Variants in GRM1 observed in about 807,000 individuals in gnomAD.
GRM1 encodes the protein metabotropic glutamate receptor 1.
A neutral mutation model predicts 90.9 loss-of-function variants in GRM1; 33 were observed. That is an observed-to-expected ratio of 0.36 (90% confidence interval 0.28 to 0.49). The LOEUF (loss-of-function observed/expected upper bound fraction) is 0.49, where lower values mean the gene tolerates loss of function less well. GRM1 is among the 20% of genes least tolerant of loss of function. GRM1 has a pLI of 0.99. For missense variants in GRM1, 1,190 were observed against 1,534.3 expected (o/e 0.78, Z 3.75); for synonymous variants, 700 against 613.2 (o/e 1.14, Z -2.09).
At chr6:146,348,400 C>T (rs1429705674) in intron 3 of GRM1, among the ~76,000 whole-genome samples, 1 of 152,210 alleles carries the variant, frequency 6.6e-6, no homozygotes, top group African/African-American at 2.4e-5. Context: ...AACTTTATGT[C>T]ACATGTTCCT....
At chr6:146,052,693 G>C (rs1582932282) in intron 1 of GRM1, among the ~76,000 whole-genome samples, 1 of 151,888 alleles carries the variant, frequency 6.6e-6, no homozygotes, top group Admixed American at 6.6e-5. Context: ...TTTGTGGCTG[G>C]CTGCTTCTTT....
intron 3 of GRM1, among the ~76,000 whole-genome samples, chr6:146,338,738 T>A (rs1453478981): frequency 6.6e-6 from 1 of 152,136 alleles, no homozygotes; most frequent in Non-Finnish European, 1.5e-5. Context: ...GTTATGGGGG[T>A]ACAAGTTATA....
At chr6:146,383,789 TATAGGA>T (rs1271996394) in intron 5 of GRM1, among the ~76,000 whole-genome samples, 2 of 152,158 alleles carry the variant, frequency 1.3e-5, no homozygotes, top group African/African-American at 4.8e-5. Context: ...TGATTTTACA[TATAGGA>T]ATATTTGATC....
In GRM1 at chr6:146,215,060, T is replaced by G. The variant is rs533681613; in HGVS notation, c.950+55463T>G. Among the ~76,000 whole-genome samples, 7 of 152,342 alleles carry G rather than the reference T, an allele frequency of 4.6e-5. No homozygotes were observed. The South Asian group carries it at 1.4e-3, about 32-fold the overall frequency. On this transcript the variant is annotated intron_variant, in intron 2 of 7. Transcript: ENST00000282753. Reference sequence around the variant, plus strand: ...GACCCGTTTTATGATGGTGCCTCATTTGACTTTTCCATGGTCTGACTGCAA... The same window carrying G: ...GACCCGTTTTATGATGGTGCCTCATGTGACTTTTCCATGGTCTGACTGCAA...
chr6:146,111,073 G>C (rs548400917), intron 1 of GRM1, among the ~76,000 whole-genome samples: 1 of 152,292 alleles, frequency 6.6e-6, no homozygotes, highest in South Asian at 2.1e-4. Flanking sequence ...AATGTTCCAG[G>C]GTGCTGTGGT....
chr6:146,238,237 G>A (rs1286768094), intron 2 of GRM1, among the ~76,000 whole-genome samples: 1 of 152,088 alleles, frequency 6.6e-6, no homozygotes, highest in Non-Finnish European at 1.5e-5. Context: ...ATAAATAAAT[G>A]AAAAATGGAT....
At chr6:146,132,216 C>T (rs987364295) in intron 1 of GRM1, among the ~76,000 whole-genome samples, 5 of 151,898 alleles carry the variant, frequency 3.3e-5, no homozygotes, top group Middle Eastern at 3.2e-3. Flanking sequence ...TAATTTGATC[C>T]AATTATGTTT....
intron 1 of GRM1, among the ~76,000 whole-genome samples, chr6:146,133,300 A>C (rs1278037147): frequency 6.6e-6 from 1 of 152,234 alleles, no homozygotes; most frequent in Non-Finnish European, 1.5e-5. Flanking sequence ...CTCAGAAATA[A>C]TGTCTCTTTT....
At chr6:146,296,587 C>A (rs1188989516) in intron 2 of GRM1, among the ~76,000 whole-genome samples, 1 of 152,194 alleles carries the variant, frequency 6.6e-6, no homozygotes, top group African/African-American at 2.4e-5. Flanking sequence ...CCCTGCCTCC[C>A]AGAATGGTAA....
chr6:146,135,676 G>C (rs969020036), intron 1 of GRM1, among the ~76,000 whole-genome samples: 1 of 152,088 alleles, frequency 6.6e-6, no homozygotes, highest in Non-Finnish European at 1.5e-5. Flanking sequence ...CATAGTAAGG[G>C]TATATATTTA....
chr6:146,122,103 A>G (rs1375418142), intron 1 of GRM1, among the ~76,000 whole-genome samples: 2 of 152,218 alleles, frequency 1.3e-5, no homozygotes, highest in African/African-American at 4.8e-5. Context: ...TTGCTTCCAA[A>G]GATCAAAAGA....
At chr6:146,313,926 A>G (rs937720746) in intron 3 of GRM1, among the ~76,000 whole-genome samples, 4 of 151,924 alleles carry the variant, frequency 2.6e-5, no homozygotes, top group Non-Finnish European at 4.4e-5. Flanking sequence ...TGTAATTTCT[A>G]TACTTTAATA....
intron 6 of GRM1, among the ~76,000 whole-genome samples, chr6:146,397,199 C>G (rs966538733): frequency 6.6e-6 from 1 of 151,988 alleles, no homozygotes. Context: ...AGCACAAAAG[C>G]TGGCTGGGTG....
intron 2 of GRM1, among the ~76,000 whole-genome samples, chr6:146,304,191 G>T (rs362953): frequency 1.3e-5 from 2 of 152,156 alleles, no homozygotes; most frequent in South Asian, 2.1e-4. Context: ...AATGATCTTC[G>T]TTGCAATGCT....
intron 4 of GRM1, among the ~76,000 whole-genome samples, chr6:146,353,812 A>G (rs1646152737): frequency 6.6e-6 from 1 of 152,078 alleles, no homozygotes; most frequent in Non-Finnish European, 1.5e-5. Context: ...TTGTATTTTT[A>G]GTAGAGATGG....
intron 1 of GRM1, among the ~76,000 whole-genome samples, chr6:146,133,123 A>G (rs1200960137): frequency 6.6e-6 from 1 of 152,176 alleles, no homozygotes; most frequent in Non-Finnish European, 1.5e-5. Flanking sequence ...AGCTTGGCAA[A>G]CTGTCCTTGG....
At chr6:146,387,285 T>G (rs148176332) in intron 6 of GRM1, among the ~76,000 whole-genome samples, 1 of 152,204 alleles carries the variant, frequency 6.6e-6, no homozygotes, top group East Asian at 1.9e-4. Flanking sequence ...CTTTAAATTG[T>G]ATTTGAAGGT....
intron 5 of GRM1, among the ~76,000 whole-genome samples, chr6:146,386,302 C>A (rs574329775): frequency 6.6e-6 from 1 of 152,112 alleles, no homozygotes; most frequent in Admixed American, 6.6e-5. Context: ...AATTTTGCTA[C>A]CAGTACTTGT....
At chr6:146,112,976 C>T (rs1302381312) in intron 1 of GRM1, among the ~76,000 whole-genome samples, 2 of 152,188 alleles carry the variant, frequency 1.3e-5, no homozygotes, top group African/African-American at 2.4e-5. Flanking sequence ...AAGTTAAAGG[C>T]AACCCAGTAT....
Sources: allele counts gnomAD v4.1 joint callset (sites outside exome capture counted in the v4.1 genomes callset), GRCh38; gene constraint gnomAD v4.1.1; transcripts MANE v1.5; gene names NCBI Gene and HGNC (gene_info 2026-07-23, HGNC 2026-07-21).